The following RGPD2 variants were observed in gnomAD, a reference collection of about 807,000 sequenced individuals.
RGPD2 encodes the protein RANBP2-like and GRIP domain-containing protein 2.
In RGPD2, 2 loss-of-function variants were observed where a neutral mutation model predicts 36.0. The observed-to-expected ratio is 0.06, with a 90% CI of 0.02 to 0.17. The LOEUF (loss-of-function observed/expected upper bound fraction) is 0.17. Among genes scored for constraint, RGPD2 ranks in the 10% least tolerant of loss-of-function variants. The pLI is 1.00. For synonymous variants in RGPD2, 19 were observed against 163.8 expected (o/e 0.12, Z 6.75); for missense variants, 40 against 464.3 (o/e 0.09, Z 8.40).
chr2:87,988,964 C>G, the RGPD2 span: 1 of 323,446 alleles, frequency 3.1e-6, no homozygotes, highest in Non-Finnish European at 5.9e-6. Context: ...CATCACAAAG[C>G]ACTCCCTAGC....
chr2:87,989,539 T>C, the RGPD2 span, among the ~76,000 whole-genome samples: 1 of 152,080 alleles, frequency 6.6e-6, no homozygotes, highest in Admixed American at 6.5e-5. Flanking sequence ...GCAGAATTAC[T>C]GTATAGTAAA....
At chr2:87,825,194 T>G (rs1686652318) in intron 1 of RGPD2, 1 of 393,448 alleles carries the variant, frequency 2.5e-6, no homozygotes, top group African/African-American at 2.1e-5. Context: ...CCTCTATTGA[T>G]CCCCACCTCC....
chr2:87,824,729 C>CG (rs1558738193), intron 1 of RGPD2, among the ~76,000 whole-genome samples: 16 of 117,600 alleles, frequency 1.4e-4, no homozygotes, highest in Non-Finnish European at 2.6e-4. Flanking sequence ...CCGCCGCCGC[C>CG]CGGCCAGGCC....
At chr2:87,928,991 C>G in the RGPD2 span, among the ~76,000 whole-genome samples, 2 of 151,876 alleles carry the variant, frequency 1.3e-5, no homozygotes, top group Middle Eastern at 3.4e-3. Context: ...TTCTCCCATT[C>G]TGTAGGTTGT....
At chr2:87,984,194 G>T in the RGPD2 span, among the ~76,000 whole-genome samples, 136,621 of 150,968 alleles carry the variant, frequency 0.9, 62,138 homozygotes, top group East Asian at 0.99. Context: ...GCTGGCAAAG[G>T]TTCACCACAC....
At chr2:87,769,957 C>A (rs1169198692) in intron 22 of RGPD2, among the ~76,000 whole-genome samples, 2 of 150,814 alleles carry the variant, frequency 1.3e-5, no homozygotes, top group South Asian at 2.1e-4. Context: ...GACAAAAATA[C>A]TATTGTGGCT....
chr2:87,853,686 A>G, the RGPD2 span, among the ~76,000 whole-genome samples: 6 of 151,154 alleles, frequency 4.0e-5, no homozygotes, highest in African/African-American at 1.5e-4. Flanking sequence ...AATTGGTATC[A>G]TCCCAAATAT....
chr2:87,815,229 C>G (rs944309803), intron 4 of RGPD2, among the ~76,000 whole-genome samples: 1 of 136,244 alleles, frequency 7.3e-6, no homozygotes, highest in Non-Finnish European at 1.5e-5. Context: ...TGAGTATCCC[C>G]TATCCAAAAT....
the RGPD2 span, among the ~76,000 whole-genome samples, chr2:87,923,173 G>A: frequency 6.6e-6 from 1 of 151,946 alleles, no homozygotes; most frequent in South Asian, 2.1e-4. Flanking sequence ...CTGGAGGGCA[G>A]GAGAATGAGA....
chr2:87,834,637 C>T, the RGPD2 span, among the ~76,000 whole-genome samples: 1 of 151,642 alleles, frequency 6.6e-6, no homozygotes, highest in African/African-American at 2.4e-5. Flanking sequence ...AAAATACATG[C>T]AAAAATTATA....
At chr2:87,922,292 C>CAAAA in the RGPD2 span, among the ~76,000 whole-genome samples, 12 of 84,682 alleles carry the variant, frequency 1.4e-4, no homozygotes, top group African/African-American at 2.0e-4. Flanking sequence ...GACTTCGTCT[C>CAAAA]AAAAAAAAAA....
At chr2:87,773,693 C>CAAA (rs1305018424) in intron 21 of RGPD2, among the ~76,000 whole-genome samples, 26 of 2,584 alleles carry the variant, frequency 0.01, no homozygotes, top group East Asian at 0.031. Flanking sequence ...AAGACTATCT[C>CAAA]AAAAAAAAAA....
chr2:87,855,176 C>T, the RGPD2 span, among the ~76,000 whole-genome samples: 1 of 151,936 alleles, frequency 6.6e-6, no homozygotes, highest in South Asian at 2.1e-4. Flanking sequence ...TTACCATTAT[C>T]TCCACATTTC....
chr2:87,988,540 TA>T, the RGPD2 span, among the ~76,000 whole-genome samples: 11 of 25,906 alleles, frequency 4.2e-4, 1 homozygote, highest in African/African-American at 7.8e-4. Flanking sequence ...TATATATATA[TA>T]TTTTTTTTTT....
chr2:87,909,189 G>A, the RGPD2 span, among the ~76,000 whole-genome samples: 3 of 152,144 alleles, frequency 2.0e-5, no homozygotes, highest in Non-Finnish European at 4.4e-5. Flanking sequence ...AAACATCAGA[G>A]TATTGGCTGC....
At chr2:87,977,455 G>A in the RGPD2 span, among the ~76,000 whole-genome samples, 7 of 150,308 alleles carry the variant, frequency 4.7e-5, no homozygotes, top group African/African-American at 1.7e-4. Flanking sequence ...TTAAAGGAAA[G>A]TACACTAAAT....
chr2:87,933,718 C>T, the RGPD2 span, among the ~76,000 whole-genome samples: 1 of 149,946 alleles, frequency 6.7e-6, no homozygotes, highest in African/African-American at 2.5e-5. Flanking sequence ...TCTGCTATTA[C>T]TACTTGTGAT....
At chr2:87,983,175 C>G in the RGPD2 span, among the ~76,000 whole-genome samples, 1 of 151,934 alleles carries the variant, frequency 6.6e-6, no homozygotes, top group Non-Finnish European at 1.5e-5. Flanking sequence ...CAGAAATTAG[C>G]CAGGCGTGGA....
the RGPD2 span, among the ~76,000 whole-genome samples, chr2:87,986,784 G>T: frequency 6.6e-6 from 1 of 151,080 alleles, no homozygotes; most frequent in African/African-American, 2.4e-5. Context: ...GGAGGCTGAG[G>T]CAGGAGAATC....
Sources: allele counts gnomAD v4.1 joint callset (sites outside exome capture counted in the v4.1 genomes callset), GRCh38; gene constraint gnomAD v4.1.1; transcripts MANE v1.5; gene names NCBI Gene and HGNC (gene_info 2026-07-23, HGNC 2026-07-21).